The following ARL8A variants were observed in gnomAD, a reference collection of about 807,000 sequenced individuals.
The protein encoded by ARL8A is ADP-ribosylation factor-like protein 8A.
In ARL8A, 10 loss-of-function variants were observed where a neutral mutation model predicts 31.2. The observed-to-expected ratio is 0.32, with a 90% CI of 0.20 to 0.54. ARL8A has a LOEUF of 0.54. ARL8A is among the 20% of genes least tolerant of loss of function. The probability of loss-of-function intolerance (pLI) is 0.93; values close to 1 mark genes in which losing one functional copy is unlikely to be tolerated. For synonymous variants in ARL8A, 70 were observed against 86.9 expected (o/e 0.81, Z 1.08); for missense variants, 129 against 242.8 (o/e 0.53, Z 3.12).
rs774525361 is a variant in ARL8A at position 202,135,819 on chromosome 1, T to G, written c.279-19A>C. ...CATGTACCTGGGGAAAGAGGCAGGG[T>G]GGGGACAAGCATGTTGACACCACAG... On this transcript the variant is annotated intron_variant, in intron 3 of 6. Coordinates refer to ENST00000272217, the MANE Select transcript of ARL8A (RefSeq NM_138795.4). The surrounding 1 kb of genome is among the most constrained non-coding windows in gnomAD (Gnocchi z 5.3). 6 of 1,602,676 alleles carry G rather than the reference T, an allele frequency of 3.7e-6. No individual in the cohort carries two copies. The South Asian group carries it at 6.6e-5, about 18-fold the overall frequency.
At chr1:202,142,991 G>T (rs1211056642) in intron 1 of ARL8A, among the ~76,000 whole-genome samples, 1 of 152,154 alleles carries the variant, frequency 6.6e-6, no homozygotes, top group Non-Finnish European at 1.5e-5. Flanking sequence ...GAATCCAAGA[G>T]CCTAAGTCAA....
At chr1:202,140,796 G>A (rs1655146522) in intron 1 of ARL8A, among the ~76,000 whole-genome samples, 1 of 152,188 alleles carries the variant, frequency 6.6e-6, no homozygotes, top group African/African-American at 2.4e-5. Context: ...GCAGCCTGCT[G>A]CAGTCTACCC....
chr1:202,140,093 G>C (rs931633749), intron 1 of ARL8A, among the ~76,000 whole-genome samples: 4 of 151,786 alleles, frequency 2.6e-5, no homozygotes, highest in African/African-American at 9.7e-5. Flanking sequence ...ATGTCCACAT[G>C]AAGACCCCTG....
At position 202,134,201 on chromosome 1, in the gene ARL8A, G is replaced by C; in HGVS notation, c.*266C>G. The C allele has an allele frequency of 1.9e-6, 1 of 516,202 alleles. No homozygotes were observed. 32.0% of individuals were successfully genotyped at this position (516,202 alleles called of 1,614,324 possible). A position where few individuals can be genotyped will look rare whatever the true frequency, so the allele number is the denominator to read the frequency against. On this transcript the variant is annotated 3_prime_UTR_variant, in exon 7 of 7. Coordinates refer to ENST00000272217, the MANE Select transcript of ARL8A (RefSeq NM_138795.4). This position sits in a 1 kb window ranked among gnomAD's most constrained non-coding sequence, Gnocchi z 4.2. The stretch of plus-strand genomic sequence containing the variant: ...CCAGGGGCGGGGGCTGTGGCCCAGG[G>C]CTGCTGGGAGGGAGGCAGGGCTGGG...
Position 202,137,918 on chromosome 1 carries a change from G to T in ARL8A, c.278+47C>A, listed in dbSNP as rs373901959. ...AGGTCCTCGAAGGTAGCAGGGCTAG[G>T]GGGGCCGGGTAAGGCTGGAGTCTGG... is the stretch of plus-strand genomic sequence containing the variant. On this transcript the variant is annotated intron_variant, in intron 3 of 6. Coordinates refer to ENST00000272217, the MANE Select transcript of ARL8A (RefSeq NM_138795.4). The T allele has an allele frequency of 5.0e-6, 8 of 1,607,210 alleles. No homozygotes were observed. In the Admixed American group the frequency reaches 5.0e-5, roughly 10 times the overall value.
In ARL8A at chr1:202,135,629, C is replaced by T; in HGVS notation, c.372+78G>A. ...GTCCCGTTTCCTCTCTGCGCCCCTACCATGCCTGGCTTTTACCTGCTCCCA... is the reference window on the plus strand; with the variant it reads ...GTCCCGTTTCCTCTCTGCGCCCCTATCATGCCTGGCTTTTACCTGCTCCCA... On this transcript the variant is annotated intron_variant, in intron 4 of 6. Transcript: ENST00000272217. This position sits in a 1 kb window ranked among gnomAD's most constrained non-coding sequence, Gnocchi z 5.3. 6.3e-7 allele frequency: 1 copy of T among 1,577,342 alleles called. No homozygotes were observed. Among genetic ancestry groups the T allele is most frequent in the South Asian group, 1.1e-5 (1 of 90,252 alleles).
At position 202,135,889 on chromosome 1, in the gene ARL8A, A is replaced by T. The variant is rs1371920287; in HGVS notation, c.279-89T>A. 3.2e-6 allele frequency: 4 copies of T among 1,258,276 alleles called. No individual in the cohort carries two copies. The highest frequency in any genetic ancestry group is 4.8e-5 in the East Asian group (2 of 42,102). The allele number at this position is 1,258,276 out of a possible 1,614,324, so 77.9% of individuals were successfully genotyped here. ...GAGAAGGAGCTGCTGCTTGGAGGTG[A>T]AAGCATCTGTTGCAGCTTGGTCACC... On this transcript the variant is annotated intron_variant, in intron 3 of 6. Coordinates refer to ENST00000272217, the MANE Select transcript of ARL8A (RefSeq NM_138795.4). This position sits in a 1 kb window ranked among gnomAD's most constrained non-coding sequence, Gnocchi z 5.3.
Position 202,135,948 on chromosome 1 carries a change from G to C in ARL8A, c.279-148C>G. On this transcript the variant is annotated intron_variant, in intron 3 of 6. Transcript: ENST00000272217. The surrounding 1 kb of genome is among the most constrained non-coding windows in gnomAD (Gnocchi z 5.3). ...CATGGGCTACCTGGCCTGGCTCAAG[G>C]CAGGTGCTCCGCGGATGTTTTCTGA... is the stretch of plus-strand genomic sequence containing the variant. The C allele has an allele frequency of 1.4e-6, 1 of 708,592 alleles. No individual in the cohort carries two copies. Among genetic ancestry groups the C allele is most frequent in the African/African-American group, 1.7e-5 (1 of 57,190 alleles). The allele number at this position is 708,592 out of a possible 1,614,324, so 43.9% of individuals were successfully genotyped here.
In ARL8A at chr1:202,138,787, T is replaced by C. The variant is rs1655086879; in HGVS notation, c.124-339A>G. 6.6e-6 allele frequency among the ~76,000 whole-genome samples: 1 copy of C among 152,214 alleles called. No individual in the cohort carries two copies. The highest frequency in any genetic ancestry group is 1.5e-5 in the Non-Finnish European group (1 of 68,038). ...CAGTGGAGAGGAAGAAGAAATTACC[T>C]TCCAGCAAGAGAACTTGAAGCAAGT... On this transcript the variant is annotated intron_variant, in intron 1 of 6. Coordinates refer to ENST00000272217, the MANE Select transcript of ARL8A (RefSeq NM_138795.4). This position sits in a 1 kb window ranked among gnomAD's most constrained non-coding sequence, Gnocchi z 4.4.
rs1654977590 is a variant in ARL8A, at chr1:202,135,372, T to C, written c.440+87A>G. The C allele has an allele frequency of 9.8e-6, 15 of 1,532,498 alleles. No individual in the cohort carries two copies. Among genetic ancestry groups the C allele is most frequent in the Non-Finnish European group, 1.4e-5 (15 of 1,106,102 alleles). 94.9% of individuals were successfully genotyped at this position (1,532,498 alleles called of 1,614,324 possible). On this transcript the variant is annotated intron_variant, in intron 5 of 6. Coordinates refer to ENST00000272217, the MANE Select transcript of ARL8A (RefSeq NM_138795.4). This position sits in a 1 kb window ranked among gnomAD's most constrained non-coding sequence, Gnocchi z 5.3. ...GGCTCTGCTGCCACCGTGTGGCTAATACTAAGAACAGCAGCAAGCCTAGGC... is the reference window on the plus strand; with the variant it reads ...GGCTCTGCTGCCACCGTGTGGCTAACACTAAGAACAGCAGCAAGCCTAGGC...
chr1:202,138,426 A>G lies in ARL8A; in HGVS notation c.146T>C (p.Met49Thr), dbSNP rs776735873. Residue 49 changes from methionine to threonine, a missense_variant, in exon 2 of 7, where the codon ATG (methionine) becomes ACG (threonine). Coordinates refer to ENST00000272217, the MANE Select transcript of ARL8A (RefSeq NM_138795.4). This position sits in a 1 kb window ranked among gnomAD's most constrained non-coding sequence, Gnocchi z 4.4. ...CATGTTGAAACCCACGGTGGGGATC[A>G]TGTCCTCGTTGAACTGTCCTGACTG... Reference protein sequence around the residue: ...VIASGQFNEDMIPTVGFNMRK... With the variant: ...VIASGQFNEDTIPTVGFNMRK... 3 of 1,613,986 alleles carry G rather than the reference A, an allele frequency of 1.9e-6. No homozygotes were observed. Among genetic ancestry groups the G allele is most frequent in the Non-Finnish European group, 1.7e-6 (2 of 1,180,000 alleles).
Position 202,141,394 on chromosome 1 carries a change from C to T in ARL8A, c.124-2946G>A, listed in dbSNP as rs182545951. ...TGGTGGCTCATACCTGTAATCCCAG[C>T]ACTTTGGGAGGCTGAGGCAGGCAGA... On this transcript the variant is annotated intron_variant, in intron 1 of 6. Transcript: ENST00000272217. 2.7e-3 allele frequency among the ~76,000 whole-genome samples: 412 copies of T among 152,256 alleles called. 4 individuals carry two copies. The highest frequency in any genetic ancestry group is 4.7e-3 in the Non-Finnish European group (317 of 68,020).
Position 202,134,362 on chromosome 1 carries a change from TG to T in ARL8A, c.*104del. 1 of 1,086,618 alleles carries T rather than the reference TG, an allele frequency of 9.2e-7. No homozygotes were observed. 67.3% of individuals were successfully genotyped at this position (1,086,618 alleles called of 1,614,324 possible). ...GGTCCCCAGAGGGCCCTCCTCACAC[TG>T]GGTGAGGAGGGGTGGGCTTAGGGGG... On this transcript the variant is annotated 3_prime_UTR_variant, in exon 7 of 7. Transcript: ENST00000272217. This position sits in a 1 kb window ranked among gnomAD's most constrained non-coding sequence, Gnocchi z 4.2.
intron 1 of ARL8A, among the ~76,000 whole-genome samples, chr1:202,142,649 G>A (rs1655192071): frequency 6.6e-6 from 1 of 152,168 alleles, no homozygotes; most frequent in African/African-American, 2.4e-5. Context: ...CTGGAGATGG[G>A]GTGCTTTTCC....
Position 202,135,142 on chromosome 1 carries a change from C to G in ARL8A, c.511+8G>C. 6.2e-7 allele frequency: 1 copy of G among 1,612,852 alleles called. No homozygotes were observed. Among genetic ancestry groups the G allele is most frequent in the East Asian group, 2.2e-5 (1 of 44,872 alleles). ...TCCCCTCTCCTCCCTTTCCCCCATC[C>G]TACGCACCAATGTTGTCCTTTTCTT... On this transcript the variant is annotated splice_region_variant and intron_variant, in intron 6 of 6. Transcript: ENST00000272217. This position sits in a 1 kb window ranked among gnomAD's most constrained non-coding sequence, Gnocchi z 5.3.
In ARL8A at chr1:202,135,181, G is replaced by A. The variant is rs922264836; in HGVS notation, c.480C>T (p.Tyr160=). The A allele has an allele frequency of 3.1e-6, 5 of 1,614,186 alleles. No homozygotes were observed. The African/African-American group carries it at 6.7e-5, about 22-fold the overall frequency. ...SAIQDREICC[Y]SISCKEKDNI... ...TGTCCTTTTCTTTGCAAGAGATGGAGTAGCAGCAGATCTCTCGGTCCTGGA... is the reference window on the plus strand; with the variant it reads ...TGTCCTTTTCTTTGCAAGAGATGGAATAGCAGCAGATCTCTCGGTCCTGGA... Residue 160 remains tyrosine (Y), a synonymous_variant, in exon 6 of 7, where the codon TAC becomes TAT. Transcript: ENST00000272217. This position sits in a 1 kb window ranked among gnomAD's most constrained non-coding sequence, Gnocchi z 5.3.
intron 3 of ARL8A, among the ~76,000 whole-genome samples, chr1:202,137,364 C>T (rs758852248): frequency 1.1e-4 from 16 of 151,960 alleles, no homozygotes; most frequent in Non-Finnish European, 1.6e-4. Flanking sequence ...GGGCTGCGCG[C>T]GGTGGCTCAT....
At chr1:202,139,996 T>A (rs1374327978) in intron 1 of ARL8A, among the ~76,000 whole-genome samples, 2 of 152,050 alleles carry the variant, frequency 1.3e-5, no homozygotes, top group Admixed American at 6.5e-5. Flanking sequence ...CTGGTAGGAA[T>A]AATTTGCCTT....
intron 1 of ARL8A, among the ~76,000 whole-genome samples, chr1:202,143,831 C>G (rs1168693759): frequency 2.6e-5 from 4 of 152,214 alleles, no homozygotes; most frequent in Non-Finnish European, 5.9e-5. Flanking sequence ...TCCCTGGACC[C>G]CCGGCTAGAC....
Sources: gnomAD v4.1 joint callset for allele counts (sites outside exome capture counted in the v4.1 genomes callset) on GRCh38, gnomAD v4.1.1 for gene constraint, Gnocchi (gnomAD v3.1) non-coding constraint, MANE v1.5 for transcripts, NCBI Gene and HGNC (gene_info 2026-07-23, HGNC 2026-07-21) for gene names.